Variants in BMPR1A observed in about 807,000 individuals in gnomAD.
BMPR1A encodes bone morphogenetic protein receptor type 1A.
A neutral mutation model predicts 66.0 loss-of-function variants in BMPR1A; 7 were observed. That is an observed-to-expected ratio of 0.11 (90% CI 0.06 to 0.20). BMPR1A has a LOEUF of 0.20. Ranked by LOEUF, BMPR1A falls within the 10% of genes least tolerant of loss-of-function variation. The pLI is 1.00. For synonymous variants in BMPR1A, 200 were observed against 229.7 expected (o/e 0.87, Z 1.17); for missense variants, 408 against 669.1 (o/e 0.61, Z 4.31).
chr10:86,880,470 G>A (rs959158689), intron 3 of BMPR1A, among the ~76,000 whole-genome samples: 4 of 152,212 alleles, frequency 2.6e-5, no homozygotes, highest in African/African-American at 9.6e-5. Flanking sequence ...GTCGAAGACT[G>A]TAAGCTTTAA....
At chr10:86,837,247 C>CTGTGTG (rs71019433) in intron 1 of BMPR1A, among the ~76,000 whole-genome samples, 15,256 of 138,140 alleles carry the variant, frequency 0.11, 1,105 homozygotes, top group African/African-American at 0.21. Context: ...GTGTGTGTGT[C>CTGTGTG]TGTGTGTGTG....
chr10:86,869,475 G>C (rs1842826029), intron 2 of BMPR1A, among the ~76,000 whole-genome samples: 1 of 137,206 alleles, frequency 7.3e-6, no homozygotes, highest in Non-Finnish European at 1.6e-5. Flanking sequence ...AAAAAAAAAA[G>C]GCTGGACGTT....
intron 3 of BMPR1A, among the ~76,000 whole-genome samples, chr10:86,888,457 G>C (rs192502685): frequency 3.3e-5 from 5 of 152,090 alleles, no homozygotes; most frequent in African/African-American, 1.2e-4. Context: ...GACAGAGTGA[G>C]ACTCTATCTC....
At chr10:86,772,681 A>G (rs536492684) in intron 1 of BMPR1A, among the ~76,000 whole-genome samples, 1 of 152,268 alleles carries the variant, frequency 6.6e-6, no homozygotes, top group South Asian at 2.1e-4. Flanking sequence ...GCTGCTGAAT[A>G]ATAATAATAT....
intron 1 of BMPR1A, among the ~76,000 whole-genome samples, chr10:86,801,938 T>G (rs1339068015): frequency 6.6e-6 from 1 of 151,972 alleles, no homozygotes; most frequent in Non-Finnish European, 1.5e-5. Context: ...ATGGTCTCGA[T>G]CTCCTGACCT....
chr10:86,919,096 G>A (rs1019560124), intron 9 of BMPR1A, 76 bp from the exon 10 acceptor site: 17 of 1,553,268 alleles, frequency 1.1e-5, no homozygotes, highest in East Asian at 9.0e-5. Flanking sequence ...GTTTTTCTCA[G>A]TATCCAGAAT....
intron 1 of BMPR1A, among the ~76,000 whole-genome samples, chr10:86,834,577 T>C (rs1321129338): frequency 6.6e-6 from 1 of 152,200 alleles, no homozygotes; most frequent in Non-Finnish European, 1.5e-5. Flanking sequence ...AGTTTCAAAA[T>C]CAACCTTATA....
At chr10:86,831,306 T>G (rs891952401) in intron 1 of BMPR1A, among the ~76,000 whole-genome samples, 3 of 152,084 alleles carry the variant, frequency 2.0e-5, no homozygotes, top group African/African-American at 7.2e-5. Flanking sequence ...ATTTTATAGT[T>G]TTTTTCTTCG....
intron 4 of BMPR1A, 58 bp from the exon 5 acceptor site, chr10:86,892,069 C>T (rs1043150548): frequency 4.3e-6 from 6 of 1,389,968 alleles, no homozygotes; most frequent in South Asian, 3.6e-5. Flanking sequence ...ACTCAAATTT[C>T]GTTAGTACTT....
chr10:86,903,387 T>G (rs1260674941), intron 7 of BMPR1A, among the ~76,000 whole-genome samples: 1 of 151,816 alleles, frequency 6.6e-6, no homozygotes, highest in Admixed American at 6.6e-5. Flanking sequence ...CTATAATATC[T>G]CAGATGAAAT....
In BMPR1A at chr10:86,924,206, A is replaced by G. The variant is rs886047362; in HGVS notation, c.*487A>G. On this transcript the variant is annotated 3_prime_UTR_variant, in exon 13 of 13. Transcript: ENST00000372037. ...ATGTGTTTGGGATACTGCTTATTTT[A>G]TGATAGTTTGTCCTGTGTCCTTAGT... The G allele has an allele frequency of 2.0e-4, 55 of 278,004 alleles. No individual in the cohort carries two copies. The highest frequency in any genetic ancestry group is 1.4e-3 in the Admixed American group (30 of 21,372). 17.2% of individuals were successfully genotyped at this position (278,004 alleles called of 1,614,324 possible).
Position 86,804,845 on chromosome 10 carries a change from G to A in BMPR1A, c.-267-34020G>A, listed in dbSNP as rs116724225. ...TCTAATTATTTTATTTGTTTGTGTG[G>A]GTTTAGAATAGCAGAAATTTATTGT... On this transcript the variant is annotated intron_variant, in intron 1 of 12. Coordinates refer to ENST00000372037, the MANE Select transcript of BMPR1A (RefSeq NM_004329.3). Among the ~76,000 whole-genome samples, 585 of 140,744 alleles carry A rather than the reference G, an allele frequency of 4.2e-3. 9 individuals carry two copies. Among genetic ancestry groups the A allele is most frequent in the African/African-American group, 0.015 (554 of 36,242 alleles). The allele number at this position is 140,744 out of a possible 152,430, so 92.3% of individuals were successfully genotyped here.
rs1310681222 is a variant in BMPR1A, at chr10:86,792,380, A to G, written c.-268+35461A>G. On this transcript the variant is annotated intron_variant, in intron 1 of 12. Coordinates refer to ENST00000372037, the MANE Select transcript of BMPR1A (RefSeq NM_004329.3). ...ATGCCTGGCCTACTGTCAGATCTTT[A>G]ATGTTTGCCATTTAAATGAATTGCA... Among the ~76,000 whole-genome samples, 4 of 152,176 alleles carry G rather than the reference A, an allele frequency of 2.6e-5. No homozygotes were observed. In the South Asian group the frequency reaches 6.2e-4, roughly 24 times the overall value.
At chr10:86,913,683 C>CA (rs1333456421) in intron 8 of BMPR1A, among the ~76,000 whole-genome samples, 1 of 152,088 alleles carries the variant, frequency 6.6e-6, no homozygotes, top group Non-Finnish European at 1.5e-5. Context: ...AAAATAGCAT[C>CA]AAAAACCATG....
At chr10:86,865,625 CTACAAATTGAGT>C (rs1727974009) in intron 2 of BMPR1A, among the ~76,000 whole-genome samples, 1 of 152,180 alleles carries the variant, frequency 6.6e-6, no homozygotes, top group Admixed American at 6.5e-5. Flanking sequence ...CAGTGTTTCT[CTACAAATTGAGT>C]TGACAAAAAG....
chr10:86,893,876 T>G (rs553484081), intron 5 of BMPR1A, among the ~76,000 whole-genome samples: 36 of 152,298 alleles, frequency 2.4e-4, no homozygotes, highest in African/African-American at 8.7e-4. Flanking sequence ...GAATCACCCT[T>G]GTTGCAAATG....
At chr10:86,873,404 A>C (rs1323022470) in intron 2 of BMPR1A, among the ~76,000 whole-genome samples, 1 of 151,772 alleles carries the variant, frequency 6.6e-6, no homozygotes, top group Non-Finnish European at 1.5e-5. Flanking sequence ...CCCAGGCAAC[A>C]TAGCGAGACC....
intron 1 of BMPR1A, among the ~76,000 whole-genome samples, chr10:86,784,052 G>A (rs1841477356): frequency 6.6e-6 from 1 of 152,032 alleles, no homozygotes; most frequent in Admixed American, 6.6e-5. Flanking sequence ...ATAAAATCAT[G>A]TCTTCTGTGA....
At position 86,803,974 on chromosome 10, in the gene BMPR1A, CAT is replaced by C. The variant is rs1484452989; in HGVS notation, c.-267-34890_-267-34889del. Among the ~76,000 whole-genome samples, 12 of 152,000 alleles carry C rather than the reference CAT, an allele frequency of 7.9e-5. No homozygotes were observed. In the East Asian group the frequency reaches 9.6e-4, roughly 12 times the overall value. On this transcript the variant is annotated intron_variant, in intron 1 of 12. Coordinates refer to ENST00000372037, the MANE Select transcript of BMPR1A (RefSeq NM_004329.3). ...TTCAGTAAAGTTTTGTAGTTTTTCT[CAT>C]GTGTTATATTTTTGGGTGCTATTGT... is the stretch of plus-strand genomic sequence containing the variant.
Sources: allele counts gnomAD v4.1 joint callset (sites outside exome capture counted in the v4.1 genomes callset), GRCh38; gene constraint gnomAD v4.1.1; transcripts MANE v1.5; gene names NCBI Gene and HGNC (gene_info 2026-07-23, HGNC 2026-07-21).